Variants in RPH3A observed in about 807,000 individuals in gnomAD.
RPH3A encodes rabphilin-3A.
In RPH3A, 48 loss-of-function variants were observed where a neutral mutation model predicts 102.2. That is an observed-to-expected ratio of 0.47 (90% CI 0.37 to 0.60). The LOEUF (loss-of-function observed/expected upper bound fraction) is 0.60, where lower values mean the gene tolerates loss of function less well. Among genes scored for constraint, RPH3A ranks in the 20% least tolerant of loss-of-function variants. The probability of loss-of-function intolerance (pLI) is 0.00; values close to 1 mark genes in which losing one functional copy is unlikely to be tolerated. For missense variants in RPH3A, 781 were observed against 910.1 expected (o/e 0.86, Z 1.83); for synonymous variants, 310 against 324.3 (o/e 0.96, Z 0.47).
chr12:112,762,319 T>C (rs140734396), intron 1 of RPH3A, among the ~76,000 whole-genome samples: 68 of 152,312 alleles, frequency 4.5e-4, no homozygotes, highest in African/African-American at 1.6e-3. Flanking sequence ...TTTCTATTGC[T>C]TGGAGGAAGT....
chr12:112,605,113 G>A (rs530816867), intron 1 of RPH3A, among the ~76,000 whole-genome samples: 1 of 152,272 alleles, frequency 6.6e-6, no homozygotes, highest in South Asian at 2.1e-4. Context: ...AGTGGCTCAT[G>A]CCTGTAATCC....
intron 2 of RPH3A, among the ~76,000 whole-genome samples, chr12:112,799,409 C>CA (rs1218636089): frequency 6.6e-6 from 1 of 152,054 alleles, no homozygotes; most frequent in East Asian, 1.9e-4. Context: ...AAAACAACAA[C>CA]AAAAAAGAAT....
Position 112,628,818 on chromosome 12 carries a change from T to A in RPH3A, c.-140+53499T>A, listed in dbSNP as rs534175387. Among the ~76,000 whole-genome samples the A allele has an allele frequency of 2.7e-3, 410 of 152,088 alleles. 2 individuals carry two copies. Among genetic ancestry groups the A allele is most frequent in the Non-Finnish European group, 1.9e-3 (129 of 67,982 alleles). On this transcript the variant is annotated intron_variant, in intron 1 of 21. Coordinates refer to the RPH3A transcript ENST00000543106. The stretch of plus-strand genomic sequence containing the variant: ...GAGGAGCGATATGATCTGAGTTACA[T>A]TTGAATGGGATTCTCGTGTCTGCTG...
intron 21 of RPH3A, 67 bp downstream of exon 21, chr12:112,895,940 A>G: frequency 1.9e-6 from 2 of 1,071,344 alleles, no homozygotes; most frequent in Non-Finnish European, 2.9e-6. Context: ...AGCCTTATCC[A>G]GGGCTACAGA....
chr12:112,712,702 TTTTG>T (rs984911054), intron 1 of RPH3A, among the ~76,000 whole-genome samples: 11 of 151,852 alleles, frequency 7.2e-5, no homozygotes, highest in Admixed American at 5.9e-4. Flanking sequence ...TGTATATATA[TTTTG>T]TTTGTTTGTT....
intron 1 of RPH3A, among the ~76,000 whole-genome samples, chr12:112,636,326 A>G (rs2039848374): frequency 6.6e-6 from 1 of 152,216 alleles, no homozygotes; most frequent in Non-Finnish European, 1.5e-5. Flanking sequence ...ATTCAGTCAC[A>G]TGGCCACATC....
intron 4 of RPH3A, among the ~76,000 whole-genome samples, chr12:112,843,100 C>T (rs2042172957): frequency 6.6e-6 from 1 of 152,136 alleles, no homozygotes. Context: ...TAACAAGATC[C>T]CAAAACTGGA....
chr12:112,765,066 G>C (rs28685606), intron 1 of RPH3A, among the ~76,000 whole-genome samples: 14,926 of 152,226 alleles, frequency 0.098, 795 homozygotes, highest in South Asian at 0.14. Flanking sequence ...GCTGGTGTGA[G>C]AGAGGAATGC....
chr12:112,669,666 AG>A (rs1265071518), intron 1 of RPH3A, among the ~76,000 whole-genome samples: 11 of 152,362 alleles, frequency 7.2e-5, no homozygotes, highest in African/African-American at 2.4e-4. Flanking sequence ...CATATTTTCT[AG>A]AGCATACACA....
Position 112,853,789 on chromosome 12 carries a change from C to T in RPH3A, c.230+5947C>T, listed in dbSNP as rs983226680. On this transcript the variant is annotated intron_variant, in intron 5 of 21. Transcript: ENST00000389385. ...GTGACAGTGAGCCAAGATCGTGACACTGCACTCCAGCCTGGGTGACAGAGC... is the reference window on the plus strand; with the variant it reads ...GTGACAGTGAGCCAAGATCGTGACATTGCACTCCAGCCTGGGTGACAGAGC... Among the ~76,000 whole-genome samples the T allele has an allele frequency of 1.4e-4, 21 of 151,744 alleles. 1 individual carries two copies. Among genetic ancestry groups the T allele is most frequent in the Admixed American group, 5.3e-4 (8 of 15,226 alleles).
chr12:112,614,151 G>A (rs1384425044), intron 1 of RPH3A, among the ~76,000 whole-genome samples: 1 of 152,122 alleles, frequency 6.6e-6, no homozygotes, highest in Non-Finnish European at 1.5e-5. Context: ...TGAGCCCAGT[G>A]AAACTGATTT....
chr12:112,587,795 G>A lies in RPH3A; in HGVS notation c.-140+12476G>A, dbSNP rs901198525. ...TGTGTTTAGTGCACGGAAAATTTAC[G>A]GCACATCTGTTGAATGAATGAGTGG... On this transcript the variant is annotated intron_variant, in intron 1 of 21. Transcript: ENST00000543106. Among the ~76,000 whole-genome samples, 6 of 152,178 alleles carry A rather than the reference G, an allele frequency of 3.9e-5. No individual in the cohort carries two copies. The South Asian group carries it at 6.2e-4, about 16-fold the overall frequency.
At chr12:112,633,639 T>C (rs2082643168) in intron 1 of RPH3A, among the ~76,000 whole-genome samples, 1 of 152,208 alleles carries the variant, frequency 6.6e-6, no homozygotes, top group Admixed American at 6.5e-5. Flanking sequence ...AACTTCTCAC[T>C]TTCATAAATT....
chr12:112,765,407 G>T (rs1236371300), intron 1 of RPH3A, among the ~76,000 whole-genome samples: 3 of 152,030 alleles, frequency 2.0e-5, no homozygotes, highest in Non-Finnish European at 4.4e-5. Context: ...GGGTAGATTT[G>T]GTTAAGTAAA....
intron 2 of RPH3A, among the ~76,000 whole-genome samples, chr12:112,796,615 G>T (rs930827094): frequency 2.0e-5 from 3 of 152,216 alleles, no homozygotes; most frequent in African/African-American, 7.2e-5. Context: ...AAAGGACTTG[G>T]CTCCTGCCTC....
At chr12:112,839,924 G>A (rs371966711) in intron 4 of RPH3A, among the ~76,000 whole-genome samples, 4 of 152,154 alleles carry the variant, frequency 2.6e-5, no homozygotes, top group East Asian at 3.9e-4. Flanking sequence ...AGGAGGTGGA[G>A]GTTGCGGTGA....
chr12:112,770,989 A>G (rs2040923660), intron 1 of RPH3A, among the ~76,000 whole-genome samples: 1 of 152,210 alleles, frequency 6.6e-6, no homozygotes, highest in Non-Finnish European at 1.5e-5. Context: ...TTTTGTGTCT[A>G]TGTTATTTTA....
At chr12:112,865,994 A>C (rs2042604916) in intron 6 of RPH3A, among the ~76,000 whole-genome samples, 1 of 152,206 alleles carries the variant, frequency 6.6e-6, no homozygotes, top group Non-Finnish European at 1.5e-5. Context: ...TTGGCTTCCA[A>C]AGCATTTGTT....
At chr12:112,866,385 A>G (rs1029882462) in intron 6 of RPH3A, among the ~76,000 whole-genome samples, 12 of 152,172 alleles carry the variant, frequency 7.9e-5, no homozygotes, top group African/African-American at 2.9e-4. Context: ...ACTTCTAGTC[A>G]TAGTCTAGGT....
Sources: allele counts gnomAD v4.1 joint callset (sites outside exome capture counted in the v4.1 genomes callset), GRCh38; gene constraint gnomAD v4.1.1; transcripts MANE v1.5; gene names NCBI Gene and HGNC (gene_info 2026-07-23, HGNC 2026-07-21).